CTNNA2: variants seen among roughly 807,000 people sequenced by gnomAD.
The protein encoded by CTNNA2 is catenin alpha-2.
Under a neutral mutation model 101.0 loss-of-function variants are expected in CTNNA2, and 42 were observed. The ratio of observed to expected loss-of-function variants is 0.42; its 90% confidence interval spans 0.32 to 0.54. The LOEUF (loss-of-function observed/expected upper bound fraction) is 0.54, where lower values mean the gene tolerates loss of function less well. Ranked by LOEUF, CTNNA2 falls within the 20% of genes least tolerant of loss-of-function variation. The pLI is 0.14. For missense variants in CTNNA2, 871 were observed against 1,223.1 expected (o/e 0.71, Z 4.29); for synonymous variants, 450 against 456.4 (o/e 0.99, Z 0.18).
chr2:79,438,816 G>C (rs1158355479), intron 4 of CTNNA2, among the ~76,000 whole-genome samples: 1 of 152,204 alleles, frequency 6.6e-6, no homozygotes, highest in Non-Finnish European at 1.5e-5. Flanking sequence ...TACCTGAAAA[G>C]ATGCTCAGTA....
chr2:80,478,079 G>T (rs562739934), intron 9 of CTNNA2, among the ~76,000 whole-genome samples: 26 of 152,018 alleles, frequency 1.7e-4, no homozygotes, highest in African/African-American at 5.8e-4. Flanking sequence ...TTTTAATAAT[G>T]ACCATTCTGG....
At chr2:79,804,935 G>A (rs1369939162) in intron 3 of CTNNA2, among the ~76,000 whole-genome samples, 2 of 152,174 alleles carry the variant, frequency 1.3e-5, no homozygotes, top group Non-Finnish European at 2.9e-5. Flanking sequence ...CCCCTGTGAA[G>A]AGTCTTGAAG....
At chr2:79,253,307 G>A (rs1040687644) in intron 2 of CTNNA2, among the ~76,000 whole-genome samples, 1 of 152,290 alleles carries the variant, frequency 6.6e-6, no homozygotes, top group Non-Finnish European at 1.5e-5. Context: ...AATGAGAAAT[G>A]AGCTCTGAAT....
intron 2 of CTNNA2, among the ~76,000 whole-genome samples, chr2:79,271,105 A>T (rs1675071407): frequency 1.3e-5 from 2 of 152,114 alleles, no homozygotes; most frequent in African/African-American, 4.8e-5. Context: ...AGTGAGAGAG[A>T]TGAGAAGGGA....
chr2:80,356,718 C>T (rs1470299921), intron 7 of CTNNA2, among the ~76,000 whole-genome samples: 1 of 152,146 alleles, frequency 6.6e-6, no homozygotes, highest in Non-Finnish European at 1.5e-5. Flanking sequence ...TTAATCTCAC[C>T]ATCCAGGGAA....
intron 3 of CTNNA2, among the ~76,000 whole-genome samples, chr2:79,809,951 T>C (rs1676877542): frequency 6.6e-6 from 1 of 152,152 alleles, no homozygotes. Flanking sequence ...GAAAAACCAG[T>C]ACCAGCCACT....
chr2:79,743,604 A>T lies in CTNNA2; in HGVS notation c.103-783A>T, dbSNP rs533534783. Among the ~76,000 whole-genome samples the T allele has an allele frequency of 3.3e-5, 5 of 151,046 alleles. 1 individual carries two copies. Among genetic ancestry groups the T allele is most frequent in the African/African-American group, 1.2e-4 (5 of 41,242 alleles). On this transcript the variant is annotated intron_variant, in intron 2 of 18. Coordinates refer to ENST00000402739, the MANE Select transcript of CTNNA2 (RefSeq NM_001282597.3). Reference sequence around the variant, plus strand: ...GCTAGAGTACAATGGCACGATCTAGATTAACTGCAACCTCTGCCTCCCGAG... The same window carrying T: ...GCTAGAGTACAATGGCACGATCTAGTTTAACTGCAACCTCTGCCTCCCGAG...
At chr2:79,974,405 CTG>C (rs1455674488) in intron 7 of CTNNA2, among the ~76,000 whole-genome samples, 2 of 152,108 alleles carry the variant, frequency 1.3e-5, no homozygotes, top group African/African-American at 4.8e-5. Flanking sequence ...GCACCATTTT[CTG>C]TGTTACTTAA....
At chr2:79,799,140 A>G (rs1675954855) in intron 3 of CTNNA2, among the ~76,000 whole-genome samples, 2 of 151,064 alleles carry the variant, frequency 1.3e-5, no homozygotes, top group Non-Finnish European at 2.9e-5. Context: ...GATGTTTTGT[A>G]TGTCAGCTCA....
intron 7 of CTNNA2, among the ~76,000 whole-genome samples, chr2:80,117,377 A>T (rs1261913505): frequency 2.0e-5 from 3 of 151,606 alleles, no homozygotes; most frequent in African/African-American, 7.3e-5. Flanking sequence ...ACCTACCTAG[A>T]GTTTCCCTGG....
At position 79,765,629 on chromosome 2, in the gene CTNNA2, C is replaced by T. The variant is rs191198855; in HGVS notation, c.298+21047C>T. ...ATGCCGAAGCACTTCAGAACACACA[C>T]CCATCTTCCCTGCGTTGAAGTTTGG... On this transcript the variant is annotated intron_variant, in intron 3 of 18. Transcript: ENST00000402739. Among the ~76,000 whole-genome samples, 416 of 152,290 alleles carry T rather than the reference C, an allele frequency of 2.7e-3. 2 individuals carry two copies. Among genetic ancestry groups the T allele is most frequent in the Non-Finnish European group, 4.5e-3 (303 of 68,020 alleles).
At chr2:80,534,496 CA>C (rs1194054730) in intron 9 of CTNNA2, among the ~76,000 whole-genome samples, 2 of 152,034 alleles carry the variant, frequency 1.3e-5, no homozygotes, top group Non-Finnish European at 2.9e-5. Context: ...TTAGTAAATT[CA>C]AAAAATTGGA....
At chr2:80,013,161 G>T (rs1345547233) in intron 7 of CTNNA2, among the ~76,000 whole-genome samples, 1 of 152,000 alleles carries the variant, frequency 6.6e-6, no homozygotes, top group Non-Finnish European at 1.5e-5. Flanking sequence ...GCAAGATCTT[G>T]CCTAAAAAAG....
chr2:80,065,152 G>GCCTGTTATAT (rs1487196160), intron 7 of CTNNA2, among the ~76,000 whole-genome samples: 1 of 151,986 alleles, frequency 6.6e-6, no homozygotes, highest in Non-Finnish European at 1.5e-5. Flanking sequence ...TAGACCCATG[G>GCCTGTTATAT]AAAACTATAG....
intron 7 of CTNNA2, among the ~76,000 whole-genome samples, chr2:79,916,577 C>CTT (rs35271371): frequency 0.39 from 14,555 of 37,798 alleles, 4,850 homozygotes; most frequent in African/African-American, 0.47. Context: ...CTCCCTTCTC[C>CTT]TTTTTTTTTT....
intron 3 of CTNNA2, among the ~76,000 whole-genome samples, chr2:79,788,186 G>A (rs772506800): frequency 2.6e-5 from 4 of 152,158 alleles, no homozygotes; most frequent in African/African-American, 4.8e-5. Context: ...CCAAGCAGGT[G>A]AAGAACCTGC....
intron 9 of CTNNA2, among the ~76,000 whole-genome samples, chr2:80,490,059 A>G (rs1264274571): frequency 1.3e-5 from 2 of 152,342 alleles, no homozygotes; most frequent in Middle Eastern, 3.4e-3. Flanking sequence ...ATGAATATCA[A>G]TACATGAAAT....
chr2:79,389,641 T>C (rs1678144947), intron 4 of CTNNA2, among the ~76,000 whole-genome samples: 2 of 152,156 alleles, frequency 1.3e-5, no homozygotes, highest in Admixed American at 1.3e-4. Context: ...GCACAGAAAA[T>C]GAGGAAGCTG....
At chr2:80,168,777 T>G (rs1274213489) in intron 7 of CTNNA2, among the ~76,000 whole-genome samples, 1 of 152,210 alleles carries the variant, frequency 6.6e-6, no homozygotes, top group African/African-American at 2.4e-5. Context: ...TATTTTTTTT[T>G]CAGGTACACA....
Sources: allele counts gnomAD v4.1 joint callset (sites outside exome capture counted in the v4.1 genomes callset), GRCh38; gene constraint gnomAD v4.1.1; transcripts MANE v1.5; gene names NCBI Gene and HGNC (gene_info 2026-07-23, HGNC 2026-07-21).